The following HIP1 variants were observed in gnomAD, a reference collection of about 807,000 sequenced individuals.
HIP1 encodes huntingtin-interacting protein 1.
HIP1 carries 65 observed loss-of-function variants against 147.6 expected under a neutral mutation model. The observed-to-expected ratio is 0.44, with a 90% confidence interval of 0.36 to 0.54. The LOEUF (loss-of-function observed/expected upper bound fraction) is 0.54. Among genes scored for constraint, HIP1 ranks in the 20% least tolerant of loss-of-function variants. The probability of loss-of-function intolerance (pLI) is 0.00; values close to 1 mark genes in which losing one functional copy is unlikely to be tolerated. For missense variants in HIP1, 1,061 were observed against 1,299.6 expected, an observed-to-expected ratio of 0.82 and a Z score of 2.82; for synonymous variants, 479 against 504.0, an observed-to-expected ratio of 0.95 and a Z score of 0.67.
At chr7:75,628,816 T>G (rs587687367) in intron 1 of HIP1, among the ~76,000 whole-genome samples, 175 of 152,190 alleles carry the variant, frequency 1.1e-3, no homozygotes, top group African/African-American at 3.9e-3. Context: ...AAAGGATCAC[T>G]TTCTCTCTTA....
intron 1 of HIP1, among the ~76,000 whole-genome samples, chr7:75,735,438 AT>A (rs1801986338): frequency 6.6e-6 from 1 of 152,186 alleles, no homozygotes; most frequent in African/African-American, 2.4e-5. Context: ...TGTCCTTAGA[AT>A]ACTGCCAAAC....
At chr7:75,706,322 G>T (rs1361666459) in intron 1 of HIP1, among the ~76,000 whole-genome samples, 1 of 151,970 alleles carries the variant, frequency 6.6e-6, no homozygotes, top group Non-Finnish European at 1.5e-5. Flanking sequence ...ATTTTCTGGG[G>T]TTTTATTTAT....
At chr7:75,734,817 TC>T (rs1423905853) in intron 1 of HIP1, among the ~76,000 whole-genome samples, 1 of 152,056 alleles carries the variant, frequency 6.6e-6, no homozygotes, top group Non-Finnish European at 1.5e-5. Flanking sequence ...GAATGCCCCA[TC>T]CCCTCCTCCA....
intron 1 of HIP1, among the ~76,000 whole-genome samples, chr7:75,666,160 A>G (rs1241573647): frequency 1.3e-5 from 2 of 150,148 alleles, no homozygotes; most frequent in African/African-American, 4.9e-5. Flanking sequence ...TTATTAATTA[A>G]TTAATTAATT....
At chr7:75,582,428 T>A (rs1796090917) in intron 5 of HIP1, among the ~76,000 whole-genome samples, 1 of 152,204 alleles carries the variant, frequency 6.6e-6, no homozygotes, top group Non-Finnish European at 1.5e-5. Context: ...GATCCTGTCA[T>A]CTGTGTGGTT....
chr7:75,712,128 G>T (rs577503836), intron 1 of HIP1, among the ~76,000 whole-genome samples: 1 of 152,106 alleles, frequency 6.6e-6, no homozygotes, highest in African/African-American at 2.4e-5. Flanking sequence ...ACCGTCGCTC[G>T]GCTCCCTGCA....
intron 1 of HIP1, among the ~76,000 whole-genome samples, chr7:75,686,843 C>CTTTTTTTTTTTTTTTTTTTTTTTTTTT (rs55942242): frequency 1.2e-5 from 1 of 80,140 alleles, no homozygotes; most frequent in Non-Finnish European, 2.3e-5. Flanking sequence ...TATTTTAGTT[C>CTTTTTTTTTTTTTTTTTTTTTTTTTTT]TTTTTTTTTT....
In HIP1 at chr7:75,536,047, T is replaced by C; in HGVS notation, c.*2125A>G. On this transcript the variant is annotated 3_prime_UTR_variant, in exon 31 of 31. Transcript: ENST00000336926. ...GTAATTGGGAACATATGAGTTAGAA[T>C]GGCTGAGATCTAGAAGTGAGGACTA... is the stretch of plus-strand genomic sequence containing the variant. 1 of 183,868 alleles carries C rather than the reference T, an allele frequency of 5.4e-6. No individual in the cohort carries two copies. The highest frequency in any genetic ancestry group is 1.2e-5 in the Non-Finnish European group (1 of 86,548). The allele number at this position is 183,868 out of a possible 1,614,324, so 11.4% of individuals were successfully genotyped here. A position where few individuals can be genotyped will look rare whatever the true frequency, so the allele number is the denominator to read the frequency against.
At chr7:75,636,192 A>C (rs1459944546) in intron 1 of HIP1, among the ~76,000 whole-genome samples, 1 of 151,834 alleles carries the variant, frequency 6.6e-6, no homozygotes, top group Non-Finnish European at 1.5e-5. Context: ...AAATACAAAA[A>C]TTAGCTGGGC....
Position 75,554,458 on chromosome 7 carries a change from A to C in HIP1, c.2032T>G (p.Tyr678Asp), listed in dbSNP as rs782456927. ...IEQLEKSWSQ[Y>D]LACPEDISGL... Reference sequence around the variant, plus strand: ...TTCTTACCTTCTGGGCAGGCCAGATACTGGCTCCAGCTTTTCTCCAGTTGC... The same window carrying C: ...TTCTTACCTTCTGGGCAGGCCAGATCCTGGCTCCAGCTTTTCTCCAGTTGC... The change falls in exon 20 of 31, where the codon TAT (tyrosine) becomes GAT (aspartate). Residue 678 changes from tyrosine (Y) to aspartate (D), a missense_variant. Transcript: ENST00000336926. 28 of 1,613,690 alleles carry C rather than the reference A, an allele frequency of 1.7e-5. 1 individual carries two copies. The South Asian group carries it at 3.1e-4, about 18-fold the overall frequency.
At chr7:75,681,980 T>C (rs1454817859) in intron 1 of HIP1, among the ~76,000 whole-genome samples, 1 of 150,362 alleles carries the variant, frequency 6.7e-6, no homozygotes, top group Non-Finnish European at 1.5e-5. Context: ...GAAATAAATT[T>C]AAATGGTATG....
intron 1 of HIP1, among the ~76,000 whole-genome samples, chr7:75,613,859 A>G (rs1554505491): frequency 6.6e-6 from 1 of 152,016 alleles, no homozygotes; most frequent in Admixed American, 6.6e-5. Context: ...CAGGCAGCTG[A>G]GACGACAGGT....
chr7:75,570,326 C>G (rs1338163024), intron 8 of HIP1, among the ~76,000 whole-genome samples: 1 of 147,854 alleles, frequency 6.8e-6, no homozygotes, highest in East Asian at 2.0e-4. Context: ...ATGTCTCGCT[C>G]TGTCACCCAG....
At chr7:75,633,216 C>A (rs1404453560) in intron 1 of HIP1, among the ~76,000 whole-genome samples, 1 of 152,166 alleles carries the variant, frequency 6.6e-6, no homozygotes, top group Non-Finnish European at 1.5e-5. Context: ...GCATAAGATA[C>A]AACCAAAATC....
intron 1 of HIP1, among the ~76,000 whole-genome samples, chr7:75,614,446 A>G (rs1797561893): frequency 6.6e-6 from 1 of 152,304 alleles, no homozygotes; most frequent in South Asian, 2.1e-4. Context: ...AACATGCTAC[A>G]TGAAAGAAAC....
chr7:75,584,211 G>T (rs923198332), intron 5 of HIP1, among the ~76,000 whole-genome samples: 1 of 151,426 alleles, frequency 6.6e-6, no homozygotes, highest in African/African-American at 2.4e-5. Flanking sequence ...TGATCCACCC[G>T]CCTCGGCCTC....
intron 1 of HIP1, among the ~76,000 whole-genome samples, chr7:75,637,992 C>CA (rs1563261802): frequency 2.1e-5 from 1 of 48,624 alleles, no homozygotes; most frequent in African/African-American, 8.7e-5. Context: ...CCCCCCCCCC[C>CA]CACACACACA....
intron 1 of HIP1, among the ~76,000 whole-genome samples, chr7:75,719,112 G>T (rs1554520862): frequency 6.6e-6 from 1 of 151,884 alleles, no homozygotes; most frequent in African/African-American, 2.4e-5. Context: ...GAGCCCAGGA[G>T]TTCAAGGCCA....
At position 75,539,449 on chromosome 7, in the gene HIP1, T is replaced by C. The variant is rs781811618; in HGVS notation, c.2953-18A>G. The C allele has an allele frequency of 1.9e-6, 3 of 1,574,418 alleles. No individual in the cohort carries two copies. The highest frequency in any genetic ancestry group is 2.6e-6 in the Non-Finnish European group (3 of 1,144,354). On this transcript the variant is annotated intron_variant, in intron 29 of 30. Coordinates refer to ENST00000336926, the MANE Select transcript of HIP1 (RefSeq NM_005338.7). ...ACCCTAACCTGTAAGGGAAATTAAG[T>C]GGGATTTTCTCTTAATCATCTCTCA...
Sources: gnomAD v4.1 joint callset for allele counts (sites outside exome capture counted in the v4.1 genomes callset) on GRCh38, gnomAD v4.1.1 for gene constraint, MANE v1.5 for transcripts, NCBI Gene and HGNC (gene_info 2026-07-23, HGNC 2026-07-21) for gene names.